REG3A: variants seen among roughly 807,000 people sequenced by gnomAD.
REG3A encodes regenerating family member 3 alpha.
REG3A carries 15 observed loss-of-function variants against 20.5 expected under a neutral mutation model. The observed-to-expected ratio is 0.73, with a 90% CI of 0.49 to 1.12. The LOEUF is 1.12. REG3A is among the 50% of genes most tolerant of loss of function. The pLI is 0.00. For synonymous variants in REG3A, 93 were observed against 83.2 expected, an observed-to-expected ratio of 1.12 and a Z score of -0.64; for missense variants, 224 against 213.1, an observed-to-expected ratio of 1.05 and a Z score of -0.32.
chr2:79,159,305 A>C, intron 2 of REG3A, 25 bp downstream of exon 2: 1 of 1,612,842 alleles, frequency 6.2e-7, no homozygotes, highest in Non-Finnish European at 8.5e-7. Flanking sequence ...TAGGGAACCC[A>C]GTGCTAGAGG....
rs56413330 is a variant in REG3A at position 79,159,434 on chromosome 2, G to A, written c.-29C>T. 27,304 of 1,610,970 alleles carry A rather than the reference G, an allele frequency of 0.017. 322 individuals carry two copies. The highest frequency in any genetic ancestry group is 0.019 in the Non-Finnish European group (22,813 of 1,177,438). ...GTCTGCGACTTGAGGAGGCAATCAG[G>A]AGTCACTAAAGAAAGCGTGGTCAGT... On this transcript the variant is annotated 5_prime_UTR_variant, in exon 2 of 6. Transcript: ENST00000305165.
At chr2:79,157,800 A>T in intron 4 of REG3A, 102 bp from the exon 5 acceptor site, 9 of 1,469,262 alleles carry the variant, frequency 6.1e-6, no homozygotes, top group Non-Finnish European at 8.3e-6. Context: ...AGCATGAGGA[A>T]AGTTGGTCTG....
rs1673344311 is a variant in REG3A at position 79,157,619 on chromosome 2, G to A, written c.413C>T (p.Ser138Phe). 6.2e-7 allele frequency: 1 copy of A among 1,614,034 alleles called. No individual in the cohort carries two copies. The highest frequency in any genetic ancestry group is 1.7e-5 in the Admixed American group (1 of 60,006). Reference sequence around the variant, plus strand: ...ACAGTGGCCGGGGCTTGAGATGGTGGAGGGATTTCTCTCCCATGCAAAGTA... The same window carrying A: ...ACAGTGGCCGGGGCTTGAGATGGTGAAGGGATTTCTCTCCCATGCAAAGTA... ...MNYFAWERNPSTISSPGHCAS... is the reference protein window; with the variant it reads ...MNYFAWERNPFTISSPGHCAS... The change falls in exon 5 of 6, where the codon TCC (serine) becomes TTC (phenylalanine). Residue 138 changes from serine (S) to phenylalanine (F), a missense_variant. Physicochemically the swap from Ser to Phe is radical, Grantham distance 155. Coordinates refer to ENST00000305165, the MANE Select transcript of REG3A (RefSeq NM_002580.3).
chr2:79,158,263 G>A, intron 4 of REG3A, 63 bp downstream of exon 4: 7 of 1,564,048 alleles, frequency 4.5e-6, no homozygotes, highest in Non-Finnish European at 6.1e-6. Flanking sequence ...CAGGGGACAG[G>A]GAGTGGGCCT....
chr2:79,157,639 A>G lies in REG3A; in HGVS notation c.393T>C (p.Phe131=), dbSNP rs762820898. ...TGGTGGAGGGATTTCTCTCCCATGC[A>G]AAGTAATTCATCACATCACTGCTAC... ...EWSSSDVMNY[F]AWERNPSTIS... is the part of the protein sequence containing the mutation. Residue 131 remains phenylalanine, a synonymous_variant, in exon 5 of 6, where the codon TTT becomes TTC. Transcript: ENST00000305165. 13 of 1,614,006 alleles carry G rather than the reference A, an allele frequency of 8.1e-6. No individual in the cohort carries two copies. Among genetic ancestry groups the G allele is most frequent in the Non-Finnish European group, 1.1e-5 (13 of 1,180,014 alleles).
chr2:79,157,162 C>T lies in REG3A; in HGVS notation c.*64G>A. ...AATATTCTCTTCCAGGGTGAGTCCT[C>T]ACACTGGTCTCATGCCCATGATGAG... is the stretch of plus-strand genomic sequence containing the variant. On this transcript the variant is annotated 3_prime_UTR_variant, in exon 6 of 6. Transcript: ENST00000305165. The T allele has an allele frequency of 7.8e-7, 1 of 1,287,358 alleles. No homozygotes were observed. Among genetic ancestry groups the T allele is most frequent in the Non-Finnish European group, 1.1e-6 (1 of 882,140 alleles). 79.7% of individuals were successfully genotyped at this position (1,287,358 alleles called of 1,614,324 possible).
chr2:79,158,721 T>G lies in REG3A; in HGVS notation c.125A>C (p.Lys42Thr). 1 of 1,613,932 alleles carries G rather than the reference T, an allele frequency of 6.2e-7. No individual in the cohort carries two copies. Among genetic ancestry groups the G allele is most frequent in the Non-Finnish European group, 8.5e-7 (1 of 1,179,984 alleles). Residue 42 changes from lysine to threonine, a missense_variant, in exon 3 of 6, where the codon AAA becomes ACA. Coordinates refer to ENST00000305165, the MANE Select transcript of REG3A (RefSeq NM_002580.3). Reference sequence around the variant, plus strand: ...GTGGGAGCCATAGGCCTTGGAGCCTTTGGGACAGCGGATCCGTGCAGAGGG... The same window carrying G: ...GTGGGAGCCATAGGCCTTGGAGCCTGTGGGACAGCGGATCCGTGCAGAGGG... ...ELPSARIRCPKGSKAYGSHCY... is the reference protein window; with the variant it reads ...ELPSARIRCPTGSKAYGSHCY...
At chr2:79,158,609 C>G (rs781336129) in intron 3 of REG3A, 42 bp downstream of exon 3, 2 of 1,610,208 alleles carry the variant, frequency 1.2e-6, no homozygotes, top group Non-Finnish European at 1.7e-6. Flanking sequence ...ACCCTCCTCC[C>G]CCTGAGACCG....
chr2:79,159,630 T>A, intron 1 of REG3A, 98 bp downstream of exon 1: 1 of 545,560 alleles, frequency 1.8e-6, no homozygotes, highest in South Asian at 2.2e-5. Flanking sequence ...AGTCTCAGAG[T>A]TCCTGTGCTC....
At chr2:79,159,671 C>T (rs1673404564) in intron 1 of REG3A, 57 bp downstream of exon 1, 1 of 459,270 alleles carries the variant, frequency 2.2e-6, no homozygotes, top group Non-Finnish European at 4.0e-6. Flanking sequence ...ATGTATTCTC[C>T]TGTGTCATGT....
Position 79,158,338 on chromosome 2 carries a change from A to T in REG3A, c.321T>A (p.His107Gln). The change falls in exon 4 of 6, where the codon CAT becomes CAA. Residue 107 changes from histidine (H) to glutamine (Q), a missense_variant. Coordinates refer to ENST00000305165, the MANE Select transcript of REG3A (RefSeq NM_002580.3). Reference protein sequence around the residue: ...NSYSYVWIGLHDPTQGTEPNG... With the variant: ...NSYSYVWIGLQDPTQGTEPNG... ...GATATACTGGCACCTGTGTGGGGTC[A>T]TGGAGCCCAATCCAGACGTATGAGT... 1 of 1,613,994 alleles carries T rather than the reference A, an allele frequency of 6.2e-7. No individual in the cohort carries two copies. The highest frequency in any genetic ancestry group is 1.3e-5 in the African/African-American group (1 of 75,038).
At chr2:79,158,880 C>T in intron 2 of REG3A, 111 bp from the exon 3 acceptor site, 1 of 758,336 alleles carries the variant, frequency 1.3e-6, no homozygotes, top group East Asian at 2.7e-5. Flanking sequence ...ACATTCCTGA[C>T]ACCCCTTCAT....
chr2:79,158,089 T>C (rs913556955), intron 4 of REG3A, among the ~76,000 whole-genome samples: 1 of 152,142 alleles, frequency 6.6e-6, no homozygotes, highest in Non-Finnish European at 1.5e-5. Context: ...CAGCCTCATA[T>C]GAGAATTATG....
At position 79,158,924 on chromosome 2, in the gene REG3A, A is replaced by G. The variant is rs1211232513; in HGVS notation, c.77-155T>C. Reference sequence around the variant, plus strand: ...ATGTTTTCAGAAATTCTTTATCTCAAAATAGCCGTAGTAAATGGAGCACCA... The same window carrying G: ...ATGTTTTCAGAAATTCTTTATCTCAGAATAGCCGTAGTAAATGGAGCACCA... On this transcript the variant is annotated intron_variant, in intron 2 of 5. Coordinates refer to ENST00000305165, the MANE Select transcript of REG3A (RefSeq NM_002580.3). The G allele has an allele frequency of 4.7e-6, 3 of 634,226 alleles. No individual in the cohort carries two copies. In the African/African-American group the frequency reaches 5.5e-5, roughly 12 times the overall value. 39.3% of individuals were successfully genotyped at this position (634,226 alleles called of 1,614,324 possible). A position where few individuals can be genotyped will look rare whatever the true frequency, so the allele number is the denominator to read the frequency against.
chr2:79,159,022 G>C (rs1673385575), intron 2 of REG3A: 1 of 578,496 alleles, frequency 1.7e-6, no homozygotes, highest in African/African-American at 1.9e-5. Context: ...TCTCTACATT[G>C]GGTCCTCCAA....
rs765224350 is a variant in REG3A, at chr2:79,159,320, G to A, written c.76+10C>T. ...TAGGGAACCCAGTGCTAGAGGCAAA[G>A]CAATCTCACCTTGAACCTGAGACAG... On this transcript the variant is annotated intron_variant, in intron 2 of 5. Transcript: ENST00000305165. 3 of 1,613,806 alleles carry A rather than the reference G, an allele frequency of 1.9e-6. No homozygotes were observed. The highest frequency in any genetic ancestry group is 2.5e-6 in the Non-Finnish European group (3 of 1,179,878).
At position 79,159,244 on chromosome 2, in the gene REG3A, C is replaced by G. The variant is rs932282700; in HGVS notation, c.76+86G>C. On this transcript the variant is annotated intron_variant, in intron 2 of 5. Transcript: ENST00000305165. ...AGGTTCATTAGACACCACGTCATTA[C>G]CTCACATGACACACAGGAGCCTTCC... The G allele has an allele frequency of 1.0e-5, 14 of 1,399,016 alleles. No homozygotes were observed. The African/African-American group carries it at 1.8e-4, about 18-fold the overall frequency. The allele number at this position is 1,399,016 out of a possible 1,614,324, so 86.7% of individuals were successfully genotyped here. A position where few individuals can be genotyped will look rare whatever the true frequency, so the allele number is the denominator to read the frequency against.
chr2:79,157,601 C>A lies in REG3A; in HGVS notation c.431G>T (p.Gly144Val), dbSNP rs1558557715. 1 of 1,614,196 alleles carries A rather than the reference C, an allele frequency of 6.2e-7. No homozygotes were observed. Among genetic ancestry groups the A allele is most frequent in the South Asian group, 1.1e-5 (1 of 91,084 alleles). ...ERNPSTISSP[G>V]HCASLSRSTA... ...GCTTCTCGACAGGCTCGCACAGTGGCCGGGGCTTGAGATGGTGGAGGGATT... is the reference window on the plus strand; with the variant it reads ...GCTTCTCGACAGGCTCGCACAGTGGACGGGGCTTGAGATGGTGGAGGGATT... The change falls in exon 5 of 6, where the codon GGC (glycine) becomes GTC (valine). Residue 144 changes from glycine to valine, a missense_variant. Coordinates refer to ENST00000305165, the MANE Select transcript of REG3A (RefSeq NM_002580.3).
intron 1 of REG3A, 109 bp from the exon 2 acceptor site, chr2:79,159,548 T>G: frequency 1.3e-6 from 1 of 761,906 alleles, no homozygotes; most frequent in Non-Finnish European, 2.2e-6. Flanking sequence ...ATCCATCATC[T>G]TCTACAGTTC....
Sources: gnomAD v4.1 joint callset for allele counts (sites outside exome capture counted in the v4.1 genomes callset) on GRCh38, gnomAD v4.1.1 for gene constraint, MANE v1.5 for transcripts, NCBI Gene and HGNC (gene_info 2026-07-23, HGNC 2026-07-21) for gene names.